The following RUNDC3B variants were observed in gnomAD, a reference collection of about 807,000 sequenced individuals.
The protein encoded by RUNDC3B is RUN domain-containing protein 3B.
Under a neutral mutation model 58.4 loss-of-function variants are expected in RUNDC3B, and 33 were observed. The ratio of observed to expected loss-of-function variants is 0.56; its 90% confidence interval spans 0.43 to 0.75. The LOEUF is 0.75. RUNDC3B is among the 30% of genes least tolerant of loss of function. RUNDC3B has a pLI of 0.00. For synonymous variants in RUNDC3B, 193 were observed against 195.2 expected, an observed-to-expected ratio of 0.99 and a Z score of 0.10; for missense variants, 501 against 535.7, an observed-to-expected ratio of 0.94 and a Z score of 0.64.
At chr7:87,820,026 A>T (rs1259078931) in intron 10 of RUNDC3B, among the ~76,000 whole-genome samples, 1 of 152,236 alleles carries the variant, frequency 6.6e-6, no homozygotes, top group Non-Finnish European at 1.5e-5. Flanking sequence ...AAGGTAAGAA[A>T]TAACTAAAAT....
chr7:87,640,222 T>C (rs994608003), intron 1 of RUNDC3B, among the ~76,000 whole-genome samples: 4 of 150,280 alleles, frequency 2.7e-5, no homozygotes, highest in Non-Finnish European at 5.9e-5. Flanking sequence ...AATCTTACAT[T>C]ATTTTATTAC....
intron 6 of RUNDC3B, among the ~76,000 whole-genome samples, chr7:87,744,360 A>G (rs1001148222): frequency 3.3e-5 from 5 of 152,148 alleles, no homozygotes; most frequent in Admixed American, 3.3e-4. Flanking sequence ...TGGTGGTGGT[A>G]TTTTGATGGG....
At chr7:87,795,225 T>A (rs1463447938) in intron 8 of RUNDC3B, among the ~76,000 whole-genome samples, 1 of 152,064 alleles carries the variant, frequency 6.6e-6, no homozygotes, top group Non-Finnish European at 1.5e-5. Context: ...TTGCAAACTA[T>A]CCATCTGACA....
chr7:87,673,243 C>T (rs1349074060), intron 2 of RUNDC3B, among the ~76,000 whole-genome samples: 1 of 152,122 alleles, frequency 6.6e-6, no homozygotes, highest in Non-Finnish European at 1.5e-5. Context: ...CTCTGCATAT[C>T]TTGAATTTGA....
intron 8 of RUNDC3B, among the ~76,000 whole-genome samples, chr7:87,794,639 A>C (rs1407066767): frequency 6.6e-6 from 1 of 150,796 alleles, no homozygotes; most frequent in African/African-American, 2.5e-5. Flanking sequence ...AAAAAAAAAA[A>C]CCTAACATTT....
At chr7:87,741,108 G>A (rs1832297281) in intron 5 of RUNDC3B, among the ~76,000 whole-genome samples, 1 of 151,940 alleles carries the variant, frequency 6.6e-6, no homozygotes, top group Non-Finnish European at 1.5e-5. Context: ...AGGAGGCTGA[G>A]GCAGGAGAAT....
intron 10 of RUNDC3B, among the ~76,000 whole-genome samples, chr7:87,822,392 G>T (rs907667175): frequency 6.6e-6 from 1 of 152,160 alleles, no homozygotes; most frequent in African/African-American, 2.4e-5. Flanking sequence ...GAAACAACAG[G>T]TGCTGGAGAG....
chr7:87,695,007 A>C (rs1165425131), intron 2 of RUNDC3B, among the ~76,000 whole-genome samples: 3 of 152,150 alleles, frequency 2.0e-5, no homozygotes, highest in African/African-American at 7.2e-5. Context: ...TAATAGTTAC[A>C]TTTTATAGAT....
At chr7:87,766,659 T>C (rs2130862773) in intron 6 of RUNDC3B, among the ~76,000 whole-genome samples, 2 of 152,268 alleles carry the variant, frequency 1.3e-5, no homozygotes, top group Non-Finnish European at 2.9e-5. Context: ...TTTATTTCTT[T>C]TCCTTTAGGA....
chr7:87,695,464 A>AAAG (rs1208234802), intron 2 of RUNDC3B, among the ~76,000 whole-genome samples: 3 of 152,106 alleles, frequency 2.0e-5, no homozygotes, highest in Non-Finnish European at 4.4e-5. Flanking sequence ...AATTTTCTTT[A>AAAG]AGTATCTGAA....
intron 10 of RUNDC3B, among the ~76,000 whole-genome samples, chr7:87,828,057 A>G (rs1433532642): frequency 2.6e-5 from 4 of 152,086 alleles, no homozygotes; most frequent in Admixed American, 1.3e-4. Flanking sequence ...GTGCAAAAGA[A>G]CCCTAGAAAT....
intron 2 of RUNDC3B, among the ~76,000 whole-genome samples, chr7:87,664,584 G>A (rs1217726725): frequency 6.6e-6 from 1 of 151,962 alleles, no homozygotes; most frequent in African/African-American, 2.4e-5. Flanking sequence ...GAAGAACCAT[G>A]GAAATTTAAA....
At chr7:87,650,536 G>A (rs1300154238) in intron 1 of RUNDC3B, among the ~76,000 whole-genome samples, 1 of 151,942 alleles carries the variant, frequency 6.6e-6, no homozygotes, top group Non-Finnish European at 1.5e-5. Context: ...CCTCCCAAAG[G>A]CACCCACCCT....
chr7:87,744,656 G>T (rs1395140858), intron 6 of RUNDC3B, among the ~76,000 whole-genome samples: 2 of 152,194 alleles, frequency 1.3e-5, no homozygotes, highest in Non-Finnish European at 2.9e-5. Context: ...ACTGATTTGT[G>T]TACATTAATA....
intron 1 of RUNDC3B, among the ~76,000 whole-genome samples, chr7:87,641,547 G>T (rs1822453521): frequency 6.6e-6 from 1 of 152,104 alleles, no homozygotes; most frequent in Admixed American, 6.5e-5. Context: ...GCACTGATTT[G>T]GGGGCGACAG....
intron 3 of RUNDC3B, among the ~76,000 whole-genome samples, chr7:87,702,299 GA>G (rs1829158498): frequency 1.3e-5 from 2 of 150,812 alleles, no homozygotes; most frequent in East Asian, 3.9e-4. Context: ...ATTTTTTAGG[GA>G]CAGGGTCTTG....
chr7:87,685,810 G>A (rs1351855028), intron 2 of RUNDC3B, among the ~76,000 whole-genome samples: 2 of 152,068 alleles, frequency 1.3e-5, no homozygotes, highest in African/African-American at 2.4e-5. Flanking sequence ...TTACTACAAG[G>A]AATAAATGTA....
At chr7:87,656,683 A>T (rs772867379) in intron 2 of RUNDC3B, among the ~76,000 whole-genome samples, 56 of 150,918 alleles carry the variant, frequency 3.7e-4, no homozygotes, top group Admixed American at 2.3e-3. Flanking sequence ...TTGATAGTTT[A>T]AAAAAAACCT....
At chr7:87,764,611 G>A (rs1330324200) in intron 6 of RUNDC3B, among the ~76,000 whole-genome samples, 1 of 151,544 alleles carries the variant, frequency 6.6e-6, no homozygotes, top group Non-Finnish European at 1.5e-5. Context: ...CCATCTTTAT[G>A]TCCATGTTTA....
Sources: allele counts gnomAD v4.1 joint callset (sites outside exome capture counted in the v4.1 genomes callset), GRCh38; gene constraint gnomAD v4.1.1; transcripts MANE v1.5; gene names NCBI Gene and HGNC (gene_info 2026-07-23, HGNC 2026-07-21).